Variants in ALK observed in about 807,000 individuals in gnomAD.
The protein encoded by ALK is ALK tyrosine kinase receptor.
A neutral mutation model predicts 163.1 loss-of-function variants in ALK; 74 were observed. The observed-to-expected ratio is 0.45, with a 90% CI of 0.38 to 0.55. The LOEUF is 0.55. Among genes scored for constraint, ALK ranks in the 20% least tolerant of loss-of-function variants. The pLI is 0.00. For synonymous variants in ALK, 960 were observed against 843.2 expected (o/e 1.14, Z -2.40); for missense variants, 2,063 against 2,105.3 (o/e 0.98, Z 0.39).
chr2:29,218,381 G>C (rs1286698176), intron 23 of ALK, among the ~76,000 whole-genome samples: 1 of 152,218 alleles, frequency 6.6e-6, no homozygotes, highest in Admixed American at 6.5e-5. Context: ...CCTGCTGTTA[G>C]AGGGTAGAAC....
intron 1 of ALK, among the ~76,000 whole-genome samples, chr2:29,908,280 G>GCACA (rs10607985): frequency 1.3e-3 from 195 of 148,570 alleles, no homozygotes; most frequent in African/African-American, 4.3e-3. Flanking sequence ...ACTCTCCAGA[G>GCACA]CACACACACA....
chr2:29,374,919 C>G (rs967444947), intron 5 of ALK, among the ~76,000 whole-genome samples: 3 of 152,184 alleles, frequency 2.0e-5, no homozygotes, highest in Non-Finnish European at 4.4e-5. Flanking sequence ...GCGATTTCTC[C>G]TTGGTGATCA....
intron 1 of ALK, among the ~76,000 whole-genome samples, chr2:29,864,551 A>T (rs1666377414): frequency 1.3e-5 from 2 of 152,312 alleles, no homozygotes; most frequent in Middle Eastern, 3.4e-3. Context: ...TCTCTTTTAC[A>T]ACTGTGTTGA....
chr2:29,594,165 A>C (rs188500201), intron 3 of ALK, among the ~76,000 whole-genome samples: 1 of 152,288 alleles, frequency 6.6e-6, no homozygotes, highest in Non-Finnish European at 1.5e-5. Context: ...AAAAATTCTG[A>C]ATTAACTACA....
intron 3 of ALK, among the ~76,000 whole-genome samples, chr2:29,629,736 T>C (rs1447544173): frequency 6.6e-6 from 1 of 152,102 alleles, no homozygotes; most frequent in Non-Finnish European, 1.5e-5. Context: ...ATATACATGA[T>C]CTTGGCTAAT....
chr2:29,755,009 A>G (rs929282362), intron 1 of ALK, among the ~76,000 whole-genome samples: 1 of 152,286 alleles, frequency 6.6e-6, no homozygotes, highest in African/African-American at 2.4e-5. Flanking sequence ...GCCGGCAGGA[A>G]GCACCGTGAT....
At chr2:29,628,393 T>C (rs1346347304) in intron 3 of ALK, among the ~76,000 whole-genome samples, 1 of 152,216 alleles carries the variant, frequency 6.6e-6, no homozygotes, top group Non-Finnish European at 1.5e-5. Context: ...TTCACTCTAC[T>C]GCATTTTTTT....
At chr2:29,337,449 A>G (rs1019044077) in intron 5 of ALK, among the ~76,000 whole-genome samples, 6 of 152,170 alleles carry the variant, frequency 3.9e-5, no homozygotes, top group African/African-American at 1.4e-4. Flanking sequence ...TAAACCCTCT[A>G]AAGCCAGCCA....
chr2:29,538,685 G>C (rs1673329051), intron 3 of ALK, among the ~76,000 whole-genome samples: 1 of 152,046 alleles, frequency 6.6e-6, no homozygotes, highest in Non-Finnish European at 1.5e-5. Context: ...TTTTAAAACA[G>C]CCTCTAACCT....
At chr2:29,398,342 T>C (rs995518054) in intron 4 of ALK, among the ~76,000 whole-genome samples, 2 of 152,150 alleles carry the variant, frequency 1.3e-5, no homozygotes, top group African/African-American at 4.8e-5. Context: ...GCTGGTTCAG[T>C]CCTTCAGTGA....
intron 2 of ALK, among the ~76,000 whole-genome samples, chr2:29,707,505 A>G (rs1470095751): frequency 6.6e-6 from 1 of 152,226 alleles, no homozygotes; most frequent in Non-Finnish European, 1.5e-5. Flanking sequence ...GCTGGGCTGC[A>G]TCTTGAAGGA....
intron 8 of ALK, among the ~76,000 whole-genome samples, chr2:29,298,821 C>T (rs1358667027): frequency 1.3e-5 from 2 of 152,176 alleles, no homozygotes; most frequent in African/African-American, 4.8e-5. Context: ...CCTTCACTGT[C>T]TTCCACGTTA....
chr2:29,283,202 G>A (rs760834299), intron 9 of ALK, among the ~76,000 whole-genome samples: 1 of 152,210 alleles, frequency 6.6e-6, no homozygotes, highest in East Asian at 1.9e-4. Context: ...TGGGATGAGA[G>A]CTCAGGCCTC....
At chr2:29,270,094 A>G (rs1232924976) in intron 11 of ALK, among the ~76,000 whole-genome samples, 2 of 152,212 alleles carry the variant, frequency 1.3e-5, no homozygotes, top group African/African-American at 4.8e-5. Context: ...TCGAAGACCT[A>G]TTCAATAATG....
chr2:29,754,811 AATATT>A (rs1680469150), intron 1 of ALK, among the ~76,000 whole-genome samples: 1 of 152,176 alleles, frequency 6.6e-6, no homozygotes, highest in African/African-American at 2.4e-5. Flanking sequence ...AGTGGCCACT[AATATT>A]ATTTCTCAGA....
chr2:29,850,709 G>T (rs1316839753), intron 1 of ALK, among the ~76,000 whole-genome samples: 1 of 152,180 alleles, frequency 6.6e-6, no homozygotes, highest in Admixed American at 6.5e-5. Flanking sequence ...TGTACCATCT[G>T]GTCTCAGCTG....
chr2:29,808,829 G>A (rs1213528706), intron 1 of ALK, among the ~76,000 whole-genome samples: 2 of 152,328 alleles, frequency 1.3e-5, no homozygotes, highest in Non-Finnish European at 2.9e-5. Context: ...CTTGATGGAT[G>A]CGGCAAACAC....
chr2:29,750,349 C>T (rs905028374), intron 1 of ALK, among the ~76,000 whole-genome samples: 22 of 152,036 alleles, frequency 1.4e-4, no homozygotes, highest in African/African-American at 4.6e-4. Flanking sequence ...GTATTTGTGA[C>T]CTAAACATAT....
intron 5 of ALK, among the ~76,000 whole-genome samples, chr2:29,364,124 C>T (rs566770503): frequency 6.6e-6 from 1 of 152,300 alleles, no homozygotes; most frequent in East Asian, 1.9e-4. Flanking sequence ...TAGAATCCTT[C>T]ATGGTTAGAG....
Sources: gnomAD v4.1 joint callset for allele counts (sites outside exome capture counted in the v4.1 genomes callset) on GRCh38, gnomAD v4.1.1 for gene constraint, MANE v1.5 for transcripts, NCBI Gene and HGNC (gene_info 2026-07-23, HGNC 2026-07-21) for gene names.